Variants in ASCL3 observed in about 807,000 individuals in gnomAD.
ASCL3 encodes achaete-scute homolog 3.
A neutral mutation model predicts 2.3 loss-of-function variants in ASCL3; 1 was observed. The ratio of observed to expected loss-of-function variants is 0.44; its 90% CI spans 0.16 to 2.10. The LOEUF (loss-of-function observed/expected upper bound fraction) is 2.10, where lower values mean the gene tolerates loss of function less well. ASCL3 is among the 30% of genes most tolerant of loss of function. The pLI is 0.28. For synonymous variants in ASCL3, 98 were observed against 88.5 expected (o/e 1.11, Z -0.60); for missense variants, 243 against 229.0 (o/e 1.06, Z -0.40).
intron 1 of ASCL3, among the ~76,000 whole-genome samples, chr11:8,939,236 A>C (rs1383721869): frequency 6.6e-6 from 1 of 151,976 alleles, no homozygotes; most frequent in Non-Finnish European, 1.5e-5. Flanking sequence ...AGCGACATAA[A>C]GTTCCTTTTT....
chr11:8,941,069 T>C (rs1339188397), intron 1 of ASCL3, among the ~76,000 whole-genome samples: 3 of 152,120 alleles, frequency 2.0e-5, no homozygotes, highest in African/African-American at 7.2e-5. Context: ...AATGAATCCT[T>C]ATGTAGCGTT....
chr11:8,940,828 G>A (rs959969537), intron 1 of ASCL3, among the ~76,000 whole-genome samples: 3 of 152,168 alleles, frequency 2.0e-5, no homozygotes, highest in African/African-American at 4.8e-5. Context: ...ACAACTATTT[G>A]TATAGAATGT....
At chr11:8,938,203 G>T (rs756543742) in intron 1 of ASCL3, 30 bp from the exon 2 acceptor site, 1 of 1,491,814 alleles carries the variant, frequency 6.7e-7, no homozygotes, top group Non-Finnish European at 9.1e-7. Flanking sequence ...TAACAATGTG[G>T]TCAGATAGAG....
At chr11:8,941,652 G>A (rs1192805659) in intron 1 of ASCL3, among the ~76,000 whole-genome samples, 2 of 152,038 alleles carry the variant, frequency 1.3e-5, no homozygotes. Flanking sequence ...CGGGGTGGTG[G>A]GATGAGATAA....
intron 1 of ASCL3, among the ~76,000 whole-genome samples, chr11:8,941,232 C>A (rs1373131034): frequency 6.6e-6 from 1 of 151,906 alleles, no homozygotes; most frequent in African/African-American, 2.4e-5. Flanking sequence ...AATTGTGGGC[C>A]TCCATCAAAG....
chr11:8,939,425 G>A (rs1472743815), intron 1 of ASCL3, among the ~76,000 whole-genome samples: 1 of 151,860 alleles, frequency 6.6e-6, no homozygotes, highest in Non-Finnish European at 1.5e-5. Flanking sequence ...ATTTTTAGTA[G>A]GGACGGGGTT....
intron 1 of ASCL3, among the ~76,000 whole-genome samples, chr11:8,940,911 C>A (rs890726450): frequency 1.3e-5 from 2 of 152,110 alleles, no homozygotes; most frequent in Admixed American, 1.3e-4. Flanking sequence ...AGGTTCCATG[C>A]AAGTGCTACG....
chr11:8,940,721 G>A (rs905787689), intron 1 of ASCL3, among the ~76,000 whole-genome samples: 2 of 152,108 alleles, frequency 1.3e-5, no homozygotes, highest in Admixed American at 1.3e-4. Flanking sequence ...CCAACTATGG[G>A]TGGAAAATAT....
At chr11:8,939,746 C>T (rs2064697341) in intron 1 of ASCL3, among the ~76,000 whole-genome samples, 1 of 152,084 alleles carries the variant, frequency 6.6e-6, no homozygotes, top group African/African-American at 2.4e-5. Context: ...GATCATGCAA[C>T]CTCAGAGGCA....
intron 1 of ASCL3, among the ~76,000 whole-genome samples, chr11:8,939,807 A>G (rs1241366666): frequency 6.6e-6 from 1 of 152,118 alleles, no homozygotes; most frequent in African/African-American, 2.4e-5. Context: ...CAAAAATACA[A>G]ATAAAAAAGG....
At chr11:8,939,047 C>T (rs1215713076) in intron 1 of ASCL3, among the ~76,000 whole-genome samples, 1 of 151,870 alleles carries the variant, frequency 6.6e-6, no homozygotes, top group Admixed American at 6.6e-5. Context: ...TCAAGCAACC[C>T]GCCTGCCTCA....
chr11:8,941,035 G>T (rs1250195357), intron 1 of ASCL3, among the ~76,000 whole-genome samples: 4 of 152,084 alleles, frequency 2.6e-5, no homozygotes, highest in African/African-American at 7.2e-5. Context: ...CCCAGCATTT[G>T]CCTCTTTCCT....
Position 8,937,675 on chromosome 11 carries a change from C to A in ASCL3, c.487G>T (p.Val163Phe). The A allele has an allele frequency of 2.5e-6, 4 of 1,614,056 alleles. No homozygotes were observed. Among genetic ancestry groups the A allele is most frequent in the Non-Finnish European group, 3.4e-6 (4 of 1,179,986 alleles). Residue 163 changes from valine to phenylalanine, a missense_variant, in exon 2 of 2, where the codon GTT becomes TTT. By Grantham distance (50) the Val-to-Phe change is conservative. Transcript: ENST00000531618. Reference sequence around the variant, plus strand: ...CTGGTGGTTGCTATCATGGAGGAAACTTTTCCAGGGTTATTCTTGGTCTCA... The same window carrying A: ...CTGGTGGTTGCTATCATGGAGGAAAATTTTCCAGGGTTATTCTTGGTCTCA... Reference protein sequence around the residue: ...KAETKNNPGKVSSMIATTSHH... With the variant: ...KAETKNNPGKFSSMIATTSHH...
At chr11:8,940,537 G>A (rs1853677014) in intron 1 of ASCL3, among the ~76,000 whole-genome samples, 2 of 152,044 alleles carry the variant, frequency 1.3e-5, no homozygotes, top group Non-Finnish European at 2.9e-5. Flanking sequence ...GTTTCAATAT[G>A]GCCTTACCCC....
At position 8,937,964 on chromosome 11, in the gene ASCL3, T is replaced by G. The variant is rs4910179; in HGVS notation, c.198A>C (p.Gly66=). The change falls in exon 2 of 2, where the codon GGA becomes GGC. Residue 66 remains glycine (G), a synonymous_variant. Transcript: ENST00000531618. ...LPFPSDSLIL[G]NYSEPCPFSF... ...AGAAGGGGCAGGGTTCACTGTAATT[T>G]CCCAGGATAAGAGAGTCGCTGGGAA... is the stretch of plus-strand genomic sequence containing the variant. The G allele has an allele frequency of 0.7, 1,133,778 of 1,613,656 alleles. 405,640 individuals carry two copies. The highest frequency in any genetic ancestry group is 0.92 in the East Asian group (41,110 of 44,876).
intron 1 of ASCL3, among the ~76,000 whole-genome samples, 63 bp downstream of exon 1, chr11:8,942,923 G>A (rs1298679843): frequency 6.6e-6 from 1 of 152,080 alleles, no homozygotes; most frequent in South Asian, 2.1e-4. Flanking sequence ...TGTACCTAGG[G>A]ATTTTCTTAA....
In ASCL3 at chr11:8,938,047, C is replaced by G; in HGVS notation, c.115G>C (p.Val39Leu). 1 of 1,613,998 alleles carries G rather than the reference C, an allele frequency of 6.2e-7. No individual in the cohort carries two copies. The highest frequency in any genetic ancestry group is 8.5e-7 in the Non-Finnish European group (1 of 1,179,980). The change falls in exon 2 of 2, where the codon GTG (valine) becomes CTG (leucine). Residue 39 changes from valine to leucine, a missense_variant. Val to Leu is a conservative substitution (Grantham distance 32). Coordinates refer to ENST00000531618, the MANE Select transcript of ASCL3 (RefSeq NM_020646.3). ...GATGACACCGGGGCCTCTGGGTGCA[C>G]GTGGAAAGTGACCATGGGCTCCAGA... The part of the protein sequence containing the change: ...FYLEPMVTFH[V>L]HPEAPVSSPY...
intron 1 of ASCL3, among the ~76,000 whole-genome samples, chr11:8,938,395 C>T (rs1398757928): frequency 2.0e-5 from 3 of 151,798 alleles, no homozygotes; most frequent in Non-Finnish European, 2.9e-5. Context: ...GGATTACAGG[C>T]GTCTGCCACT....
chr11:8,938,174 C>A lies in ASCL3; in HGVS notation c.-12-1G>T. ...TGTTGTCCATCATTTCCTCTTTAAC[C>A]TGCAAACATAACCAAGTTTAACAAT... is the stretch of plus-strand genomic sequence containing the variant. On this transcript the variant is annotated splice_acceptor_variant, in intron 1 of 1. Coordinates refer to ENST00000531618, the MANE Select transcript of ASCL3 (RefSeq NM_020646.3). LOFTEE classifies it low-confidence loss of function (5UTR_SPLICE). 6.4e-7 allele frequency: 1 copy of A among 1,570,274 alleles called. No individual in the cohort carries two copies. The highest frequency in any genetic ancestry group is 8.6e-7 in the Non-Finnish European group (1 of 1,157,070).
Sources: gnomAD v4.1 joint callset for allele counts (sites outside exome capture counted in the v4.1 genomes callset) on GRCh38, gnomAD v4.1.1 for gene constraint, MANE v1.5 for transcripts, NCBI Gene and HGNC (gene_info 2026-07-23, HGNC 2026-07-21) for gene names.